The following PRKG1 variants were observed in gnomAD, a reference collection of about 807,000 sequenced individuals.
PRKG1 encodes cGMP-dependent protein kinase 1.
PRKG1 carries 35 observed loss-of-function variants against 88.1 expected under a neutral mutation model. The observed-to-expected ratio is 0.40, with a 90% CI of 0.30 to 0.53. PRKG1 has a LOEUF of 0.53. Ranked by LOEUF, PRKG1 falls within the 20% of genes least tolerant of loss-of-function variation. The probability of loss-of-function intolerance (pLI) is 0.59; values close to 1 mark genes in which losing one functional copy is unlikely to be tolerated. For missense variants in PRKG1, 540 were observed against 839.8 expected (o/e 0.64, Z 4.41); for synonymous variants, 303 against 292.5 (o/e 1.04, Z -0.37).
At chr10:52,091,899 C>T (rs551990415) in intron 7 of PRKG1, among the ~76,000 whole-genome samples, 1 of 152,158 alleles carries the variant, frequency 6.6e-6, no homozygotes, top group African/African-American at 2.4e-5. Flanking sequence ...CAATAATCAT[C>T]TTTTTGAAAG....
intron 4 of PRKG1, among the ~76,000 whole-genome samples, chr10:51,821,270 T>G (rs1839738117): frequency 6.6e-6 from 1 of 152,208 alleles, no homozygotes; most frequent in Admixed American, 6.5e-5. Flanking sequence ...TTTGGATTAT[T>G]GCCATTTTGA....
At chr10:51,502,663 G>A (rs979891395) in intron 3 of PRKG1, among the ~76,000 whole-genome samples, 2 of 152,106 alleles carry the variant, frequency 1.3e-5, no homozygotes, top group Non-Finnish European at 2.9e-5. Flanking sequence ...GGATAATGAT[G>A]CTATCCAAAT....
chr10:51,854,194 G>A (rs144871455), intron 4 of PRKG1, among the ~76,000 whole-genome samples: 25 of 152,180 alleles, frequency 1.6e-4, no homozygotes, highest in African/African-American at 5.5e-4. Context: ...CTCCCTCTGT[G>A]TGGCAGGCAT....
At chr10:51,257,202 T>C (rs1160894437) in intron 2 of PRKG1, among the ~76,000 whole-genome samples, 1 of 151,690 alleles carries the variant, frequency 6.6e-6, no homozygotes, top group Non-Finnish European at 1.5e-5. Context: ...TGATTAGTTT[T>C]GTGTTACATG....
At chr10:51,758,675 A>AT (rs1010214686) in intron 3 of PRKG1, among the ~76,000 whole-genome samples, 48 of 150,218 alleles carry the variant, frequency 3.2e-4, no homozygotes, top group East Asian at 1.8e-3. Context: ...CAGGCCTGTG[A>AT]TTTTTTTTTT....
intron 9 of PRKG1, among the ~76,000 whole-genome samples, chr10:52,191,357 G>A (rs1163824513): frequency 1.3e-5 from 2 of 150,328 alleles, no homozygotes; most frequent in Non-Finnish European, 3.0e-5. Flanking sequence ...TTACAGAGAT[G>A]GGGTTTTGCC....
chr10:51,814,277 A>G (rs1257306999), intron 4 of PRKG1, among the ~76,000 whole-genome samples: 1 of 152,210 alleles, frequency 6.6e-6, no homozygotes, highest in African/African-American at 2.4e-5. Flanking sequence ...CACAAATTCT[A>G]TAAAATACAA....
chr10:51,966,388 T>C (rs537744758), intron 5 of PRKG1, among the ~76,000 whole-genome samples: 1 of 152,258 alleles, frequency 6.6e-6, no homozygotes, highest in South Asian at 2.1e-4. Context: ...GAATTCAACA[T>C]TTTTTTGTGT....
chr10:51,371,653 T>C (rs1033277163), intron 2 of PRKG1, among the ~76,000 whole-genome samples: 1 of 152,132 alleles, frequency 6.6e-6, no homozygotes, highest in African/African-American at 2.4e-5. Context: ...TGCTGTTAAA[T>C]GGTCAGTAAG....
chr10:51,708,085 T>A (rs1027698869), intron 3 of PRKG1, among the ~76,000 whole-genome samples: 1 of 152,200 alleles, frequency 6.6e-6, no homozygotes, highest in African/African-American at 2.4e-5. Flanking sequence ...TGTATTAGAA[T>A]ACCACAGACT....
At chr10:51,337,484 G>T (rs1359831488) in intron 2 of PRKG1, among the ~76,000 whole-genome samples, 1 of 151,970 alleles carries the variant, frequency 6.6e-6, no homozygotes, top group Admixed American at 6.6e-5. Context: ...AACCTACAGA[G>T]TGGGAGAAAA....
chr10:51,308,476 C>A (rs149384438), intron 2 of PRKG1, among the ~76,000 whole-genome samples: 4,773 of 152,236 alleles, frequency 0.031, 127 homozygotes, highest in South Asian at 0.076. Context: ...GCTCAGTAAG[C>A]AGTTAGCTGA....
chr10:52,033,813 G>A (rs1436012387), intron 5 of PRKG1, among the ~76,000 whole-genome samples: 1 of 152,112 alleles, frequency 6.6e-6, no homozygotes, highest in Admixed American at 6.5e-5. Context: ...CAACATGGCT[G>A]TTTATTTCAC....
Position 51,905,362 on chromosome 10 carries a change from A to G in PRKG1, c.699-2145A>G, listed in dbSNP as rs202080419. 2.0e-5 allele frequency among the ~76,000 whole-genome samples: 3 copies of G among 152,192 alleles called. No individual in the cohort carries two copies. The East Asian group carries it at 5.8e-4, about 29-fold the overall frequency. On this transcript the variant is annotated intron_variant, in intron 4 of 17. Coordinates refer to ENST00000373980, the MANE Select transcript of PRKG1 (RefSeq NM_006258.4). ...CTAAGTAATGGAAATCAAAGTGACA[A>G]ATTAACAACAAAATGTTCATGCTTT...
At chr10:51,726,130 T>G (rs1028700697) in intron 3 of PRKG1, among the ~76,000 whole-genome samples, 2 of 152,244 alleles carry the variant, frequency 1.3e-5, no homozygotes, top group Non-Finnish European at 2.9e-5. Context: ...TAATACTGTT[T>G]GTCAAATTTT....
At chr10:52,286,431 A>G (rs951068136) in intron 14 of PRKG1, among the ~76,000 whole-genome samples, 4 of 152,078 alleles carry the variant, frequency 2.6e-5, no homozygotes, top group African/African-American at 9.7e-5. Flanking sequence ...AAGCCCACAA[A>G]AAGATGAATC....
At chr10:52,078,245 C>T (rs771977616) in intron 7 of PRKG1, among the ~76,000 whole-genome samples, 2 of 152,076 alleles carry the variant, frequency 1.3e-5, no homozygotes, top group Non-Finnish European at 1.5e-5. Flanking sequence ...TTACCAAACA[C>T]AAATAGTCAA....
At chr10:51,338,413 TA>T (rs1306597405) in intron 2 of PRKG1, among the ~76,000 whole-genome samples, 1 of 151,968 alleles carries the variant, frequency 6.6e-6, no homozygotes, top group Non-Finnish European at 1.5e-5. Flanking sequence ...GAACTTAAAA[TA>T]AAAAATTAAA....
chr10:52,199,716 C>G (rs1482471152), intron 9 of PRKG1, among the ~76,000 whole-genome samples: 1 of 152,110 alleles, frequency 6.6e-6, no homozygotes, highest in Non-Finnish European at 1.5e-5. Context: ...GCAGATATTT[C>G]TCCCTCCAAA....
Sources: gnomAD v4.1 joint callset for allele counts (sites outside exome capture counted in the v4.1 genomes callset) on GRCh38, gnomAD v4.1.1 for gene constraint, MANE v1.5 for transcripts, NCBI Gene and HGNC (gene_info 2026-07-23, HGNC 2026-07-21) for gene names.